CHTF8: variants seen among roughly 807,000 people sequenced by gnomAD.
The protein encoded by CHTF8 is chromosome transmission fidelity protein 8 homolog.
In CHTF8, 6 loss-of-function variants were observed where a neutral mutation model predicts 11.0. That is an observed-to-expected ratio of 0.55 (90% CI 0.30 to 1.08). CHTF8 has a LOEUF of 1.08. Among genes scored for constraint, CHTF8 ranks in the 50% least tolerant of loss-of-function variants. CHTF8 has a pLI of 0.07. For missense variants in CHTF8, 140 were observed against 153.1 expected, an observed-to-expected ratio of 0.91 and a Z score of 0.45; for synonymous variants, 53 against 60.5, an observed-to-expected ratio of 0.88 and a Z score of 0.57.
chr16:69,130,004 G>A (rs1368364995), intron 1 of CHTF8, among the ~76,000 whole-genome samples: 1 of 152,220 alleles, frequency 6.6e-6, no homozygotes, highest in Non-Finnish European at 1.5e-5. Flanking sequence ...GAATGTGAAA[G>A]TCAAGAGAAT....
chr16:69,131,816 C>T (rs751278639), intron 1 of CHTF8, among the ~76,000 whole-genome samples: 1 of 151,862 alleles, frequency 6.6e-6, no homozygotes, highest in Non-Finnish European at 1.5e-5. Context: ...CTCCACTCCT[C>T]CAGGACCCCA....
intron 2 of CHTF8, 38 bp downstream of exon 2, chr16:69,121,393 TCATCA>T: frequency 1.3e-6 from 2 of 1,558,962 alleles, no homozygotes; most frequent in Non-Finnish European, 1.8e-6. Context: ...TCTATAGCCC[TCATCA>T]TTTCAAGCCA....
rs1049186048 is a variant in CHTF8, at chr16:69,119,872, C to T, written c.*553G>A. 5.7e-6 allele frequency: 4 copies of T among 701,636 alleles called. No homozygotes were observed. The African/African-American group carries it at 7.0e-5, about 12-fold the overall frequency. 43.5% of individuals were successfully genotyped at this position (701,636 alleles called of 1,614,324 possible). A position where few individuals can be genotyped will look rare whatever the true frequency, so the allele number is the denominator to read the frequency against. ...CCCAGAGGTTAACAGAACACCGGCT[C>T]TCAGGTTAGGTCCAGATCCAGGGCC... is the stretch of plus-strand genomic sequence containing the variant. On this transcript the variant is annotated 3_prime_UTR_variant, in exon 4 of 4. Transcript: ENST00000448552.
chr16:69,120,968 A>C lies in CHTF8; in HGVS notation c.141+85T>G. 1 of 1,120,062 alleles carries C rather than the reference A, an allele frequency of 8.9e-7. No individual in the cohort carries two copies. The highest frequency in any genetic ancestry group is 1.4e-6 in the Non-Finnish European group (1 of 728,722). 69.4% of individuals were successfully genotyped at this position (1,120,062 alleles called of 1,614,324 possible). ...AGGCCTTGAATAACAAACCTGAGGC[A>C]GTCCTCACTCTGGGTCCTGGGAGCA... On this transcript the variant is annotated intron_variant, in intron 3 of 3. Coordinates refer to ENST00000448552, the MANE Select transcript of CHTF8 (RefSeq NM_001039690.5). This position sits in a 1 kb window ranked among gnomAD's most constrained non-coding sequence, Gnocchi z 4.0.
Position 69,119,213 on chromosome 16 carries a change from G to C in CHTF8, c.*1212C>G. On this transcript the variant is annotated 3_prime_UTR_variant, in exon 4 of 4. Transcript: ENST00000448552. ...GGGAAGTTAGCTGGGTTGGGGCCAAGTGGCCCAGAGGCTCTTGGGAAAATG... is the reference window on the plus strand; with the variant it reads ...GGGAAGTTAGCTGGGTTGGGGCCAACTGGCCCAGAGGCTCTTGGGAAAATG... The C allele has an allele frequency of 1.4e-6, 1 of 703,054 alleles. No individual in the cohort carries two copies. Among genetic ancestry groups the C allele is most frequent in the Non-Finnish European group, 2.6e-6 (1 of 385,008 alleles). 43.6% of individuals were successfully genotyped at this position (703,054 alleles called of 1,614,324 possible).
intron 1 of CHTF8, among the ~76,000 whole-genome samples, chr16:69,123,029 G>A (rs1420739565): frequency 6.6e-6 from 1 of 152,120 alleles, no homozygotes; most frequent in African/African-American, 2.4e-5. Flanking sequence ...AAAGTGCTGG[G>A]ATTATAGGCT....
In CHTF8 at chr16:69,120,807, G is replaced by T; in HGVS notation, c.142-158C>A. The T allele has an allele frequency of 1.4e-6, 1 of 731,846 alleles. No homozygotes were observed. Among genetic ancestry groups the T allele is most frequent in the Non-Finnish European group, 2.4e-6 (1 of 422,464 alleles). 45.3% of individuals were successfully genotyped at this position (731,846 alleles called of 1,614,324 possible). A position where few individuals can be genotyped will look rare whatever the true frequency, so the allele number is the denominator to read the frequency against. The stretch of plus-strand genomic sequence containing the variant: ...GCCACACTGGACCACCCACCCATGT[G>T]CCCTTTTTACTTTCTAGCCCCACAT... On this transcript the variant is annotated intron_variant, in intron 3 of 3. Transcript: ENST00000448552. The surrounding 1 kb of genome is among the most constrained non-coding windows in gnomAD (Gnocchi z 4.0).
rs1962145545 is a variant in CHTF8, at chr16:69,127,393, A to AT, written c.-36+5090dup. ...AAGCATAACAATGGAAATTATCTGT[A>AT]TAAGAAGAATATGTCTAAGTCTTCA... On this transcript the variant is annotated intron_variant, in intron 1 of 3. Coordinates refer to ENST00000448552, the MANE Select transcript of CHTF8 (RefSeq NM_001039690.5). Among the ~76,000 whole-genome samples, 5 of 152,172 alleles carry AT rather than the reference A, an allele frequency of 3.3e-5. No homozygotes were observed. The South Asian group carries it at 1.0e-3, about 32-fold the overall frequency.
At position 69,121,078 on chromosome 16, in the gene CHTF8, A is replaced by T; in HGVS notation, c.116T>A (p.Leu39Gln). Residue 39 changes from leucine (L) to glutamine (Q), a missense_variant, in exon 3 of 4, where the codon CTG (leucine) becomes CAG (glutamine). Transcript: ENST00000448552. ...CTCAGTGGTGTAATGTAGGTCTCCC[A>T]GGAGGTTTCCAGCTAATCCAGTGCT... is the stretch of plus-strand genomic sequence containing the variant. ...RYSTGLAGNL[L>Q]GDLHYTTEGI... The T allele has an allele frequency of 1.2e-6, 2 of 1,614,068 alleles. No individual in the cohort carries two copies.
At chr16:69,130,627 G>A (rs577577837) in intron 1 of CHTF8, among the ~76,000 whole-genome samples, 1 of 152,282 alleles carries the variant, frequency 6.6e-6, no homozygotes, top group Admixed American at 6.5e-5. Context: ...CACCTATTTT[G>A]AAAGGCTGTT....
intron 1 of CHTF8, among the ~76,000 whole-genome samples, chr16:69,121,976 T>G (rs12598101): frequency 6.6e-6 from 1 of 151,202 alleles, no homozygotes; most frequent in Admixed American, 6.6e-5. Context: ...GCCCTAGAGA[T>G]GGGGTTTCAC....
At chr16:69,126,734 AGAG>A (rs1224851091) in intron 1 of CHTF8, among the ~76,000 whole-genome samples, 2 of 152,242 alleles carry the variant, frequency 1.3e-5, no homozygotes, top group Admixed American at 6.5e-5. Flanking sequence ...TCAGGAACGT[AGAG>A]GAGGGCATCC....
At chr16:69,121,951 G>T (rs1016790633) in intron 1 of CHTF8, among the ~76,000 whole-genome samples, 2 of 151,960 alleles carry the variant, frequency 1.3e-5, no homozygotes, top group Non-Finnish European at 2.9e-5. Flanking sequence ...TTACAGGTGT[G>T]AGCCACCGCG....
intron 1 of CHTF8, among the ~76,000 whole-genome samples, chr16:69,126,676 T>C (rs1224502573): frequency 6.6e-6 from 1 of 152,262 alleles, no homozygotes; most frequent in Non-Finnish European, 1.5e-5. Flanking sequence ...CAGACTGCTC[T>C]GGCTACAGTT....
chr16:69,128,078 C>A (rs567991066), intron 1 of CHTF8, among the ~76,000 whole-genome samples: 1 of 152,160 alleles, frequency 6.6e-6, no homozygotes, highest in South Asian at 2.1e-4. Context: ...CCGCGCCTTG[C>A]TGATTTTTGT....
chr16:69,120,703 T>C lies in CHTF8; in HGVS notation c.142-54A>G, dbSNP rs1961590533. On this transcript the variant is annotated intron_variant, in intron 3 of 3. Coordinates refer to ENST00000448552, the MANE Select transcript of CHTF8 (RefSeq NM_001039690.5). This position sits in a 1 kb window ranked among gnomAD's most constrained non-coding sequence, Gnocchi z 4.0. ...AGGTTCCGGGGCAAGGCCATAACAC[T>C]CAGGCGCCTCCTAAAGCTGCTCTTG... 1.4e-6 allele frequency: 2 copies of C among 1,476,518 alleles called. No homozygotes were observed. Among genetic ancestry groups the C allele is most frequent in the African/African-American group, 1.4e-5 (1 of 71,914 alleles). 91.5% of individuals were successfully genotyped at this position (1,476,518 alleles called of 1,614,324 possible). A position where few individuals can be genotyped will look rare whatever the true frequency, so the allele number is the denominator to read the frequency against.
intron 3 of CHTF8, 46 bp downstream of exon 3, chr16:69,121,007 G>T: frequency 6.6e-7 from 1 of 1,526,394 alleles, no homozygotes; most frequent in Non-Finnish European, 9.1e-7. Flanking sequence ...CCTTGGTGTA[G>T]CTTGCTTTCC....
chr16:69,120,539 A>T lies in CHTF8; in HGVS notation c.252T>A (p.Asp84Glu), dbSNP rs758398181. Residue 84 changes from aspartate to glutamate, a missense_variant, in exon 4 of 4, where the codon GAT becomes GAA. Transcript: ENST00000448552. This position sits in a 1 kb window ranked among gnomAD's most constrained non-coding sequence, Gnocchi z 4.0. ...GGGTGCCAGTCTCGCGGCCAAGCTC[A>T]TCACAGTCCTGATCCCCAGGAGTGT... The part of the protein sequence containing the change: ...VKHTPGDQDC[D>E]ELGRETGTRY... 5 of 1,614,164 alleles carry T rather than the reference A, an allele frequency of 3.1e-6. No homozygotes were observed. The highest frequency in any genetic ancestry group is 3.4e-6 in the Non-Finnish European group (4 of 1,180,034).
Position 69,121,508 on chromosome 16 carries a change from A to C in CHTF8, c.-35-15T>G, listed in dbSNP as rs1371097817. 4 of 1,519,828 alleles carry C rather than the reference A, an allele frequency of 2.6e-6. No homozygotes were observed. The highest frequency in any genetic ancestry group is 2.7e-6 in the Non-Finnish European group (3 of 1,112,738). The allele number at this position is 1,519,828 out of a possible 1,614,324, so 94.1% of individuals were successfully genotyped here. On this transcript the variant is annotated splice_polypyrimidine_tract_variant and intron_variant, in intron 1 of 3. Transcript: ENST00000448552. ...GTGAAAACAAGCTGTAGAGAGAAAA[A>C]AAGAGATTTAGGGTAATAACAACAA...
Sources: allele counts gnomAD v4.1 joint callset (sites outside exome capture counted in the v4.1 genomes callset), GRCh38; gene constraint gnomAD v4.1.1; non-coding constraint Gnocchi (gnomAD v3.1); transcripts MANE v1.5; gene names NCBI Gene and HGNC (gene_info 2026-07-23, HGNC 2026-07-21).